Variants in NT5C1A observed in about 807,000 individuals in gnomAD.
NT5C1A encodes 5'-nucleotidase, cytosolic IA.
A neutral mutation model predicts 31.0 loss-of-function variants in NT5C1A; 18 were observed. The observed-to-expected ratio is 0.58, with a 90% CI of 0.40 to 0.86. The LOEUF is 0.86. Among genes scored for constraint, NT5C1A ranks in the 40% least tolerant of loss-of-function variants. The probability of loss-of-function intolerance (pLI) is 0.00; values close to 1 mark genes in which losing one functional copy is unlikely to be tolerated. For synonymous variants in NT5C1A, 185 were observed against 203.6 expected (o/e 0.91, Z 0.78); for missense variants, 470 against 505.4 (o/e 0.93, Z 0.67).
At chr1:39,664,222 C>T (rs1260382055) in intron 3 of NT5C1A, among the ~76,000 whole-genome samples, 1 of 151,232 alleles carries the variant, frequency 6.6e-6, no homozygotes, top group East Asian at 2.0e-4. Context: ...GGCGTGATCT[C>T]GGCTCACTGC....
intron 3 of NT5C1A, among the ~76,000 whole-genome samples, chr1:39,664,311 C>T (rs1226810068): frequency 6.7e-6 from 1 of 150,248 alleles, no homozygotes; most frequent in Admixed American, 6.6e-5. Context: ...CACCACCATG[C>T]CCGGCTAAAT....
intron 1 of NT5C1A, among the ~76,000 whole-genome samples, chr1:39,671,447 C>T (rs557245310): frequency 6.6e-6 from 1 of 152,238 alleles, no homozygotes; most frequent in Non-Finnish European, 1.5e-5. Context: ...GCCCAGGACC[C>T]AGAGCCAGAC....
Position 39,653,765 on chromosome 1 carries a change from G to A in NT5C1A, c.*5356C>T, listed in dbSNP as rs903741448. Among the ~76,000 whole-genome samples, 2 of 152,164 alleles carry A rather than the reference G, an allele frequency of 1.3e-5. No homozygotes were observed. Among genetic ancestry groups the A allele is most frequent in the African/African-American group, 4.8e-5 (2 of 41,430 alleles). On this transcript the variant is annotated 3_prime_UTR_variant, in exon 6 of 6. Coordinates refer to ENST00000235628, the MANE Select transcript of NT5C1A (RefSeq NM_032526.3). ...TTTGCTTTAAGACTAGATAAAACCC[G>A]TGATCTGGGAAGCCGCCAGCCACAC...
At chr1:39,667,196 C>CTT (rs5773668) in intron 1 of NT5C1A, among the ~76,000 whole-genome samples, 11 of 105,124 alleles carry the variant, frequency 1.0e-4, no homozygotes, top group Admixed American at 2.0e-4. Flanking sequence ...CTTTCCCCCT[C>CTT]TTTTTTTTTT....
Position 39,657,579 on chromosome 1 carries a change from G to A in NT5C1A, c.*1542C>T, listed in dbSNP as rs1646470376. On this transcript the variant is annotated 3_prime_UTR_variant, in exon 6 of 6. Coordinates refer to ENST00000235628, the MANE Select transcript of NT5C1A (RefSeq NM_032526.3). Reference sequence around the variant, plus strand: ...CTGTCTCCCTGGGGACCAGCCATTGGTGCTTCCACCCTCCCTCTGGAGAGA... The same window carrying A: ...CTGTCTCCCTGGGGACCAGCCATTGATGCTTCCACCCTCCCTCTGGAGAGA... 6.6e-6 allele frequency among the ~76,000 whole-genome samples: 1 copy of A among 152,328 alleles called. No individual in the cohort carries two copies. The highest frequency in any genetic ancestry group is 2.1e-4 in the South Asian group (1 of 4,830).
intron 1 of NT5C1A, 52 bp downstream of exon 1, chr1:39,671,852 C>T (rs1646553885): frequency 1.1e-5 from 17 of 1,606,394 alleles, no homozygotes; most frequent in Middle Eastern, 1.7e-4. Context: ...TATGACCCCT[C>T]CTCCGGGGTA....
Position 39,654,076 on chromosome 1 carries a change from T to C in NT5C1A, c.*5045A>G, listed in dbSNP as rs989011423. 6.6e-6 allele frequency among the ~76,000 whole-genome samples: 1 copy of C among 152,226 alleles called. No homozygotes were observed. Among genetic ancestry groups the C allele is most frequent in the Non-Finnish European group, 1.5e-5 (1 of 68,038 alleles). ...GGCATAGCGACAGCAATGATGGCTG[T>C]AGATGGGGCGTCTTCCATACTGTCT... is the stretch of plus-strand genomic sequence containing the variant. On this transcript the variant is annotated 3_prime_UTR_variant, in exon 6 of 6. Transcript: ENST00000235628.
rs759241317 is a variant in NT5C1A at position 39,659,111 on chromosome 1, G to A, written c.*10C>T. 1.4e-5 allele frequency: 22 copies of A among 1,576,826 alleles called. No homozygotes were observed. The highest frequency in any genetic ancestry group is 6.8e-5 in the East Asian group (3 of 44,326). On this transcript the variant is annotated 3_prime_UTR_variant, in exon 6 of 6. Transcript: ENST00000235628. Reference sequence around the variant, plus strand: ...TGGAGCAATGTGGATCAGTAAAGCCGGTGGTTCAGCTACTGTGCAGATGGG... The same window carrying A: ...TGGAGCAATGTGGATCAGTAAAGCCAGTGGTTCAGCTACTGTGCAGATGGG...
rs940528123 is a variant in NT5C1A, at chr1:39,652,344, C to T, written c.*6777G>A. Among the ~76,000 whole-genome samples the T allele has an allele frequency of 6.6e-6, 1 of 152,210 alleles. No individual in the cohort carries two copies. The highest frequency in any genetic ancestry group is 1.5e-5 in the Non-Finnish European group (1 of 68,032). On this transcript the variant is annotated 3_prime_UTR_variant, in exon 6 of 6. Coordinates refer to ENST00000235628, the MANE Select transcript of NT5C1A (RefSeq NM_032526.3). ...TTAAAAGTCCAGATTCCCAGCTTCT[C>T]TTCAAAAATGGGGCGGACTATCCGG... is the stretch of plus-strand genomic sequence containing the variant.
rs1018969301 is a variant in NT5C1A at position 39,658,244 on chromosome 1, C to A, written c.*877G>T. ...TGCTGGCTGGAGGAGAGTTTGTATG[C>A]GTGTCCAATTCACTCCCCTTGCTTC... On this transcript the variant is annotated 3_prime_UTR_variant, in exon 6 of 6. Coordinates refer to ENST00000235628, the MANE Select transcript of NT5C1A (RefSeq NM_032526.3). 1.3e-5 allele frequency among the ~76,000 whole-genome samples: 2 copies of A among 152,188 alleles called. No individual in the cohort carries two copies. The highest frequency in any genetic ancestry group is 4.8e-5 in the African/African-American group (2 of 41,434).
chr1:39,660,966 G>A (rs531159040), intron 5 of NT5C1A, 113 bp downstream of exon 5: 58 of 632,616 alleles, frequency 9.2e-5, no homozygotes, highest in Non-Finnish European at 1.6e-4. Flanking sequence ...GGACCAGGCT[G>A]GAATCTGGGC....
rs540100039 is a variant in NT5C1A at position 39,652,620 on chromosome 1, G to C, written c.*6501C>G. On this transcript the variant is annotated 3_prime_UTR_variant, in exon 6 of 6. Coordinates refer to ENST00000235628, the MANE Select transcript of NT5C1A (RefSeq NM_032526.3). ...CTTTACCCTAATTCCGTGGCAGATG[G>C]CCATGAAGGCATATATTCACCCACA... Among the ~76,000 whole-genome samples the C allele has an allele frequency of 5.3e-5, 8 of 152,236 alleles. No individual in the cohort carries two copies. The South Asian group carries it at 1.0e-3, about 20-fold the overall frequency.
chr1:39,660,390 G>C (rs557762563), intron 5 of NT5C1A, among the ~76,000 whole-genome samples: 1 of 152,320 alleles, frequency 6.6e-6, no homozygotes, highest in South Asian at 2.1e-4. Flanking sequence ...CAACTCCAGG[G>C]AATTTCCACC....
At chr1:39,660,870 T>TGGGA (rs781730794) in intron 5 of NT5C1A, among the ~76,000 whole-genome samples, 68 of 151,904 alleles carry the variant, frequency 4.5e-4, no homozygotes, top group Admixed American at 6.5e-4. Context: ...AAAGGAGGGT[T>TGGGA]GGGACTTCAG....
chr1:39,663,208 C>T (rs1646500452), intron 4 of NT5C1A, 104 bp downstream of exon 4: 1 of 1,331,256 alleles, frequency 7.5e-7, no homozygotes, highest in African/African-American at 1.4e-5. Flanking sequence ...CTTCTAGTTA[C>T]CATGGCAACT....
chr1:39,663,375 C>G lies in NT5C1A; in HGVS notation c.493G>C (p.Ala165Pro), dbSNP rs1026466640. 3 of 1,614,122 alleles carry G rather than the reference C, an allele frequency of 1.9e-6. No homozygotes were observed. Among genetic ancestry groups the G allele is most frequent in the African/African-American group, 1.3e-5 (1 of 75,008 alleles). The change falls in exon 4 of 6, where the codon GCC (alanine) becomes CCC (proline). Residue 165 changes from alanine (A) to proline (P), a missense_variant. Transcript: ENST00000235628. ...GGNSPICYLK[A>P]YHTNLYLSAD... ...GACAAGTAGAGGTTGGTGTGATAGG[C>G]CTTGAGGTAGCAGATCGGGCTGTTC...
chr1:39,670,111 T>G (rs887744292), intron 1 of NT5C1A, among the ~76,000 whole-genome samples: 2 of 151,732 alleles, frequency 1.3e-5, no homozygotes, highest in African/African-American at 4.8e-5. Flanking sequence ...TGCATTACAT[T>G]TATTTATTTA....
intron 4 of NT5C1A, among the ~76,000 whole-genome samples, chr1:39,661,769 G>A (rs1223214132): frequency 6.6e-6 from 1 of 152,132 alleles, no homozygotes; most frequent in Non-Finnish European, 1.5e-5. Flanking sequence ...CCTCACCATT[G>A]GTTCTAGCAA....
chr1:39,665,953 G>A, intron 2 of NT5C1A, 116 bp downstream of exon 2: 1 of 959,860 alleles, frequency 1.0e-6, no homozygotes, highest in Non-Finnish European at 1.5e-6. Flanking sequence ...CTGTGTACCT[G>A]TGTGGTTACA....
Sources: allele counts gnomAD v4.1 joint callset (sites outside exome capture counted in the v4.1 genomes callset), GRCh38; gene constraint gnomAD v4.1.1; transcripts MANE v1.5; gene names NCBI Gene and HGNC (gene_info 2026-07-23, HGNC 2026-07-21).